PRRC2B: variants seen among roughly 807,000 people sequenced by gnomAD.
PRRC2B encodes the protein proline rich coiled-coil 2B, also known as protein PRRC2B.
Under a neutral mutation model 242.3 loss-of-function variants are expected in PRRC2B, and 68 were observed. The observed-to-expected ratio is 0.28, with a 90% confidence interval of 0.23 to 0.34. The LOEUF is 0.34. PRRC2B is among the 10% of genes least tolerant of loss of function. The probability of loss-of-function intolerance (pLI) is 1.00; values close to 1 mark genes in which losing one functional copy is unlikely to be tolerated. For missense variants in PRRC2B, 2,835 were observed against 2,954.8 expected (o/e 0.96, Z 0.94); for synonymous variants, 1,228 against 1,173.6 (o/e 1.05, Z -0.95).
intron 1 of PRRC2B, among the ~76,000 whole-genome samples, chr9:131,402,923 A>G (rs1837262667): frequency 6.6e-6 from 1 of 152,198 alleles, no homozygotes; most frequent in African/African-American, 2.4e-5. Context: ...GAGGGCAGAG[A>G]ATGACTGTGC....
chr9:131,486,575 A>T, intron 26 of PRRC2B: 1 of 957,768 alleles, frequency 1.0e-6, no homozygotes, highest in Non-Finnish European at 1.2e-6. Flanking sequence ...TTGGTTATTT[A>T]TGCAGGACTG....
At chr9:131,480,092 G>A (rs1404722722) in intron 19 of PRRC2B, among the ~76,000 whole-genome samples, 2 of 152,160 alleles carry the variant, frequency 1.3e-5, no homozygotes, top group Non-Finnish European at 2.9e-5. Context: ...ATATTTCACA[G>A]CTCAGGCCCA....
chr9:131,488,355 C>T (rs1284611317), intron 28 of PRRC2B, among the ~76,000 whole-genome samples: 1 of 151,972 alleles, frequency 6.6e-6, no homozygotes, highest in East Asian at 1.9e-4. Flanking sequence ...CCTCTGTCTC[C>T]CACATTCAGG....
chr9:131,376,046 C>CAAAAAAAAA (rs56400904), intron 1 of PRRC2B, among the ~76,000 whole-genome samples: 69 of 72,974 alleles, frequency 9.5e-4, no homozygotes, highest in African/African-American at 3.3e-3. Context: ...GAGACTGTCT[C>CAAAAAAAAA]AAAAAAAAAA....
intron 11 of PRRC2B, among the ~76,000 whole-genome samples, chr9:131,461,126 C>T (rs1451034447): frequency 6.6e-6 from 1 of 152,184 alleles, no homozygotes; most frequent in Non-Finnish European, 1.5e-5. Flanking sequence ...TATCTCTCAT[C>T]GTCCCTCGTA....
chr9:131,487,510 C>CT lies in PRRC2B; in HGVS notation c.5984+220dup, dbSNP rs1245580505. Among the ~76,000 whole-genome samples, 3 of 152,172 alleles carry CT rather than the reference C, an allele frequency of 2.0e-5. No homozygotes were observed. Among genetic ancestry groups the CT allele is most frequent in the Admixed American group, 6.5e-5 (1 of 15,286 alleles). ...CTGATATGTGGTGGGCCGTGTTTTG[C>CT]TTTTCCATGTCATCTTGCCTCCTTT... On this transcript the variant is annotated intron_variant, in intron 27 of 31. Coordinates refer to ENST00000683519, the MANE Select transcript of PRRC2B (RefSeq NM_013318.4). This position sits in a 1 kb window ranked among gnomAD's most constrained non-coding sequence, Gnocchi z 5.3.
In PRRC2B at chr9:131,476,466, G is replaced by C; in HGVS notation, c.4337G>C (p.Arg1446Thr). 6.2e-7 allele frequency: 1 copy of C among 1,613,292 alleles called. No individual in the cohort carries two copies. Among genetic ancestry groups the C allele is most frequent in the Non-Finnish European group, 8.5e-7 (1 of 1,179,734 alleles). ...EPGGFGEKPVRPGGGDTSPRY... is the reference protein window; with the variant it reads ...EPGGFGEKPVTPGGGDTSPRY... ...GGAGGGTTTGGGGAGAAGCCCGTTA[G>C]GCCAGGTGGTGGTGACACCTCCCCT... Residue 1446 changes from arginine (R) to threonine (T), a missense_variant, in exon 16 of 32, where the codon AGG becomes ACG. Around this residue, in one of 7 missense-constraint regions of PRRC2B, gnomAD observed 1,536 missense variants for 1,483.1 expected, o/e 1.04. Coordinates refer to ENST00000683519, the MANE Select transcript of PRRC2B (RefSeq NM_013318.4).
chr9:131,393,073 A>G (rs1836932046), upstream of PRRC2B, among the ~76,000 whole-genome samples: 1 of 152,200 alleles, frequency 6.6e-6, no homozygotes, highest in South Asian at 2.1e-4. Flanking sequence ...TCAGTTCTGG[A>G]GTTAGGCTGA....
In PRRC2B at chr9:131,386,627, C is replaced by T. The variant is rs77790721; in HGVS notation, c.-56+12896C>T. Among the ~76,000 whole-genome samples the T allele has an allele frequency of 6.5e-3, 978 of 150,066 alleles. 48 individuals are homozygous for T. Among genetic ancestry groups the T allele is most frequent in the Non-Finnish European group, 0.011 (738 of 67,532 alleles). On this transcript the variant is annotated intron_variant, in intron 1 of 1. Transcript: ENST00000682525. ...CTTGTCAGATGATAAAAACGGGTAA[C>T]CCTATGAGTCCCAGGGTCCCTTCTG...
At chr9:131,412,332 T>C (rs1204599677) in intron 1 of PRRC2B, among the ~76,000 whole-genome samples, 1 of 152,216 alleles carries the variant, frequency 6.6e-6, no homozygotes, top group Non-Finnish European at 1.5e-5. Context: ...TTTTTGTGCG[T>C]TTCATCTGTA....
chr9:131,456,296 C>G lies in PRRC2B; in HGVS notation c.1211+1130C>G, dbSNP rs575632908. Among the ~76,000 whole-genome samples, 8 of 149,886 alleles carry G rather than the reference C, an allele frequency of 5.3e-5. No homozygotes were observed. In the South Asian group the frequency reaches 1.1e-3, roughly 20 times the overall value. On this transcript the variant is annotated intron_variant, in intron 10 of 31. Transcript: ENST00000683519. ...TTTAGAAAATACTGCATTGTACTCT[C>G]ATCCCTCTAGTTTTTATAATGTTAG...
At chr9:131,436,577 C>T in intron 3 of PRRC2B, 43 bp from the exon 4 acceptor site, 3 of 1,518,582 alleles carry the variant, frequency 2.0e-6, no homozygotes, top group Non-Finnish European at 2.7e-6. Context: ...CTGGCCAGCG[C>T]ACTCTGTGCG....
In PRRC2B at chr9:131,495,941, C is replaced by T. The variant is rs931570530; in HGVS notation, c.*67C>T. On this transcript the variant is annotated 3_prime_UTR_variant, in exon 32 of 32. Coordinates refer to ENST00000683519, the MANE Select transcript of PRRC2B (RefSeq NM_013318.4). ...TGCCGCCATGCGGCCTCGACACAGCCGACACTCGGGAGCCTCACCAGATCC... is the reference window on the plus strand; with the variant it reads ...TGCCGCCATGCGGCCTCGACACAGCTGACACTCGGGAGCCTCACCAGATCC... 8.8e-5 allele frequency: 138 copies of T among 1,568,438 alleles called. No individual in the cohort carries two copies. The highest frequency in any genetic ancestry group is 4.5e-4 in the South Asian group (40 of 89,502).
rs756341240 is a variant in PRRC2B, at chr9:131,488,080, A to C, written c.6209A>C (p.Asp2070Ala). 6.2e-7 allele frequency: 1 copy of C among 1,611,828 alleles called. No individual in the cohort carries two copies. Among genetic ancestry groups the C allele is most frequent in the Admixed American group, 1.7e-5 (1 of 59,824 alleles). The change falls in exon 28 of 32, where the codon GAC (aspartate) becomes GCC (alanine). Residue 2070 changes from aspartate to alanine, a missense_variant. Coordinates refer to ENST00000683519, the MANE Select transcript of PRRC2B (RefSeq NM_013318.4). ...AAGLGASQML[D>A]SQLPQLTMPL... is the part of the protein sequence containing the mutation. ...GGCCTGGGTGCCTCCCAGATGTTGGACTCCCAGCTCCCACAGGTCAGGAAT... is the reference window on the plus strand; with the variant it reads ...GGCCTGGGTGCCTCCCAGATGTTGGCCTCCCAGCTCCCACAGGTCAGGAAT...
intron 28 of PRRC2B, among the ~76,000 whole-genome samples, chr9:131,490,267 T>C (rs999545903): frequency 8.7e-5 from 13 of 150,080 alleles, no homozygotes; most frequent in African/African-American, 2.9e-4. Flanking sequence ...CTGTCAGCTC[T>C]GGCTTTAAAA....
chr9:131,475,617 A>G lies in PRRC2B; in HGVS notation c.3488A>G (p.Glu1163Gly). ...SENGNEGSLL[E>G]REESTLKKGD... Reference sequence around the variant, plus strand: ...AACGGGAATGAAGGCTCGCTCCTGGAGAGGGAGGAGAGCACCTTGAAGAAG... The same window carrying G: ...AACGGGAATGAAGGCTCGCTCCTGGGGAGGGAGGAGAGCACCTTGAAGAAG... Residue 1163 changes from glutamate (E) to glycine (G), a missense_variant, in exon 16 of 32, where the codon GAG becomes GGG. Glu to Gly is a moderately conservative substitution (Grantham distance 98, BLOSUM62 -2). Coordinates refer to ENST00000683519, the MANE Select transcript of PRRC2B (RefSeq NM_013318.4). 1.9e-6 allele frequency: 3 copies of G among 1,611,976 alleles called. No individual in the cohort carries two copies. The highest frequency in any genetic ancestry group is 3.3e-5 in the Admixed American group (2 of 59,804).
chr9:131,377,507 T>TTGTG (rs142704380), intron 1 of PRRC2B, among the ~76,000 whole-genome samples: 2 of 150,368 alleles, frequency 1.3e-5, no homozygotes, highest in East Asian at 1.9e-4. Context: ...CCTTTTTCTT[T>TTGTG]TGTGTGTGTG....
At chr9:131,445,056 C>T (rs1300793831) in intron 6 of PRRC2B, among the ~76,000 whole-genome samples, 1 of 152,148 alleles carries the variant, frequency 6.6e-6, no homozygotes, top group Non-Finnish European at 1.5e-5. Context: ...CTCTCCCATT[C>T]AAGTCATAAG....
chr9:131,436,493 G>A (rs928988252), intron 3 of PRRC2B, 127 bp from the exon 4 acceptor site: 79 of 634,270 alleles, frequency 1.2e-4, no homozygotes, highest in Middle Eastern at 3.8e-4. Flanking sequence ...GGGGAAAGTC[G>A]TATTTTTATT....
Sources: allele counts gnomAD v4.1 joint callset (sites outside exome capture counted in the v4.1 genomes callset), GRCh38; gene constraint gnomAD v4.1.1; regional missense constraint gnomAD v4.1.1; non-coding constraint Gnocchi (gnomAD v3.1); transcripts MANE v1.5; gene names NCBI Gene and HGNC (gene_info 2026-07-23, HGNC 2026-07-21).